MRPL30: variants seen among roughly 807,000 people sequenced by gnomAD.
MRPL30 encodes large ribosomal subunit protein uL30m.
In MRPL30, 10 loss-of-function variants were observed where a neutral mutation model predicts 17.2. That is an observed-to-expected ratio of 0.58 (90% CI 0.36 to 0.99). The LOEUF is 0.99. Ranked by LOEUF, MRPL30 falls within the 50% of genes least tolerant of loss-of-function variation. The pLI, the probability that MRPL30 is intolerant of heterozygous loss-of-function variation, is 0.01. For synonymous variants in MRPL30, 61 were observed against 62.1 expected, an observed-to-expected ratio of 0.98 and a Z score of 0.08; for missense variants, 170 against 189.8, an observed-to-expected ratio of 0.90 and a Z score of 0.61.
chr2:99,191,515 A>G (rs751737059), intron 3 of MRPL30, among the ~76,000 whole-genome samples: 10 of 152,156 alleles, frequency 6.6e-5, no homozygotes, highest in Non-Finnish European at 1.2e-4. Flanking sequence ...AATTTCCCAG[A>G]CTAAAGACAT....
rs184575951 is a variant in MRPL30, at chr2:99,184,859, A to G, written c.-27-1318A>G. On this transcript the variant is annotated intron_variant, in intron 1 of 5. Transcript: ENST00000338148. ...CTCACAGTTCCGTTGCTTTATCCAC[A>G]TCACAGGAAAGACTTGCAGAACTTG... 2.6e-3 allele frequency among the ~76,000 whole-genome samples: 392 copies of G among 152,336 alleles called. 4 individuals are homozygous for G. Among genetic ancestry groups the G allele is most frequent in the African/African-American group, 8.7e-3 (363 of 41,574 alleles).
At chr2:99,191,695 A>G (rs1209360746) in intron 3 of MRPL30, among the ~76,000 whole-genome samples, 2 of 152,122 alleles carry the variant, frequency 1.3e-5, no homozygotes, top group African/African-American at 4.8e-5. Context: ...CTCTATCCCC[A>G]GTTGGTTTTA....
Position 99,181,269 on chromosome 2 carries a change from C to T in MRPL30, c.-28+20C>T. The T allele has an allele frequency of 2.6e-6, 1 of 378,302 alleles. No homozygotes were observed. The highest frequency in any genetic ancestry group is 4.9e-6 in the Non-Finnish European group (1 of 205,596). 23.4% of individuals were successfully genotyped at this position (378,302 alleles called of 1,614,324 possible). A position where few individuals can be genotyped will look rare whatever the true frequency, so the allele number is the denominator to read the frequency against. On this transcript the variant is annotated intron_variant, in intron 1 of 5. Transcript: ENST00000338148. The stretch of plus-strand genomic sequence containing the variant: ...GTGCCGGTGAGTGGGGAATGAGTGG[C>T]GGAGAGTGCGGCATTCTTCGCAAGG...
At chr2:99,186,075 T>C in intron 1 of MRPL30, 102 bp from the exon 2 acceptor site, 1 of 701,830 alleles carries the variant, frequency 1.4e-6, no homozygotes. Context: ...ACTGTTAAGT[T>C]TACAATTAAT....
intron 1 of MRPL30, among the ~76,000 whole-genome samples, chr2:99,182,915 C>T (rs57656020): frequency 0.14 from 21,944 of 152,106 alleles, 1,920 homozygotes; most frequent in Non-Finnish European, 0.19. Flanking sequence ...AACAACAAAA[C>T]CTAACAGATA....
chr2:99,195,516 G>A (rs2093953622), intron 5 of MRPL30, 57 bp from the exon 6 acceptor site: 1 of 1,537,178 alleles, frequency 6.5e-7, no homozygotes, highest in African/African-American at 1.4e-5. Flanking sequence ...TATCCTGCGG[G>A]GATATAGAAC....
At position 99,196,645 on chromosome 2, in the gene MRPL30, G is replaced by A. The variant is rs1257193745; in HGVS notation, c.*940G>A. ...TTTAAGTGAATTCAACAATTTCTGT[G>A]AGTGGCTCTTTGCATGAACACTGTG... On this transcript the variant is annotated 3_prime_UTR_variant, in exon 6 of 6. Coordinates refer to ENST00000338148, the MANE Select transcript of MRPL30 (RefSeq NM_145212.4). 3.3e-5 allele frequency: 5 copies of A among 152,198 alleles called. No homozygotes were observed. The highest frequency in any genetic ancestry group is 3.3e-4 in the Admixed American group (5 of 15,278). 9.4% of individuals were successfully genotyped at this position (152,198 alleles called of 1,614,324 possible).
At position 99,199,298 on chromosome 2, in the gene MRPL30, T is replaced by C. The variant is rs1173705645; in HGVS notation, c.*3593T>C. 6.6e-6 allele frequency among the ~76,000 whole-genome samples: 1 copy of C among 152,218 alleles called. No homozygotes were observed. Among genetic ancestry groups the C allele is most frequent in the Non-Finnish European group, 1.5e-5 (1 of 68,038 alleles). ...CTCTTTGTGTATATTTGTCAAAATC[T>C]GCTTTTCTATATCAAAACTTTTCTC... On this transcript the variant is annotated 3_prime_UTR_variant, in exon 6 of 6. Coordinates refer to ENST00000338148, the MANE Select transcript of MRPL30 (RefSeq NM_145212.4).
chr2:99,182,471 C>T (rs895128932), intron 1 of MRPL30, among the ~76,000 whole-genome samples: 3 of 152,238 alleles, frequency 2.0e-5, no homozygotes, highest in African/African-American at 7.2e-5. Flanking sequence ...AGGAGAATGG[C>T]GTGAACCCGG....
rs1410503203 is a variant in MRPL30 at position 99,195,120 on chromosome 2, A to G, written c.284A>G (p.His95Arg). The change falls in exon 5 of 6, where the codon CAT (histidine) becomes CGT (arginine). Residue 95 changes from histidine to arginine, a missense_variant. By Grantham distance (29) the His-to-Arg change is conservative. Transcript: ENST00000338148. ...IIKMLGLEKA[H>R]TPQVHKNIPS... ...CTTTGTTGTTGTTGTTCACAGGCAC[A>G]TACCCCTCAAGTTCACAAGAATATC... is the stretch of plus-strand genomic sequence containing the variant. 6.3e-7 allele frequency: 1 copy of G among 1,593,026 alleles called. No individual in the cohort carries two copies. Among genetic ancestry groups the G allele is most frequent in the Non-Finnish European group, 8.5e-7 (1 of 1,173,706 alleles).
intron 1 of MRPL30, among the ~76,000 whole-genome samples, chr2:99,182,598 C>T (rs2093926600): frequency 6.6e-6 from 1 of 152,198 alleles, no homozygotes; most frequent in Non-Finnish European, 1.5e-5. Context: ...TTGAGTCAAA[C>T]GTGGTGACAC....
In MRPL30 at chr2:99,187,669, CA is replaced by C. The variant is rs1279286791; in HGVS notation, c.52-499del. ...TGAAACCCTATCTCTACTAAAAATA[CA>C]AAAAAAAATTAGCTGGACGTGGTGG... is the stretch of plus-strand genomic sequence containing the variant. On this transcript the variant is annotated intron_variant, in intron 2 of 5. Coordinates refer to ENST00000338148, the MANE Select transcript of MRPL30 (RefSeq NM_145212.4). Among the ~76,000 whole-genome samples the C allele has an allele frequency of 3.3e-5, 5 of 150,990 alleles. No individual in the cohort carries two copies. In the East Asian group the frequency reaches 5.8e-4, roughly 18 times the overall value.
intron 2 of MRPL30, among the ~76,000 whole-genome samples, chr2:99,187,275 G>A (rs114562675): frequency 0.012 from 1,839 of 152,312 alleles, 39 homozygotes; most frequent in African/African-American, 0.042. Flanking sequence ...TGAAAGGTTG[G>A]CAGTGAATCC....
At chr2:99,185,803 T>A (rs1200866690) in intron 1 of MRPL30, 11 of 453,242 alleles carry the variant, frequency 2.4e-5, no homozygotes, top group Non-Finnish European at 4.4e-6. Flanking sequence ...ATGTGGGCAG[T>A]CAGTTCTAAT....
At chr2:99,195,035 C>A (rs2093952882) in intron 4 of MRPL30, 81 bp from the exon 5 acceptor site, 4 of 1,402,808 alleles carry the variant, frequency 2.9e-6, no homozygotes, top group Non-Finnish European at 3.9e-6. Context: ...TTAGAATGAA[C>A]CTTCAATTTA....
intron 2 of MRPL30, among the ~76,000 whole-genome samples, chr2:99,187,513 A>G (rs1222931703): frequency 6.6e-6 from 1 of 152,222 alleles, no homozygotes; most frequent in East Asian, 1.9e-4. Context: ...ATTTTTGTAA[A>G]TAACAGTTTT....
intron 3 of MRPL30, among the ~76,000 whole-genome samples, chr2:99,189,760 G>A (rs926714375): frequency 6.6e-6 from 1 of 152,040 alleles, no homozygotes; most frequent in African/African-American, 2.4e-5. Context: ...ATTTTTTATT[G>A]TGGTAAAATA....
chr2:99,185,349 G>A (rs914196316), intron 1 of MRPL30, among the ~76,000 whole-genome samples: 1 of 152,016 alleles, frequency 6.6e-6, no homozygotes, highest in African/African-American at 2.4e-5. Flanking sequence ...TTTATTGAGG[G>A]CTTCCCACAT....
chr2:99,183,715 C>T (rs1365140064), intron 1 of MRPL30, among the ~76,000 whole-genome samples: 1 of 152,176 alleles, frequency 6.6e-6, no homozygotes, highest in Non-Finnish European at 1.5e-5. Flanking sequence ...GTATATGCTA[C>T]ACTGTTTCCC....
Sources: gnomAD v4.1 joint callset for allele counts (sites outside exome capture counted in the v4.1 genomes callset) on GRCh38, gnomAD v4.1.1 for gene constraint, MANE v1.5 for transcripts, NCBI Gene and HGNC (gene_info 2026-07-23, HGNC 2026-07-21) for gene names.